TTC28: variants seen among roughly 807,000 people sequenced by gnomAD.
The protein encoded by TTC28 is tetratricopeptide repeat protein 28.
In TTC28, 61 loss-of-function variants were observed where a neutral mutation model predicts 198.0. That is an observed-to-expected ratio of 0.31 (90% CI 0.25 to 0.38). The LOEUF (loss-of-function observed/expected upper bound fraction) is 0.38, where lower values mean the gene tolerates loss of function less well. Ranked by LOEUF, TTC28 falls within the 10% of genes least tolerant of loss-of-function variation. TTC28 has a pLI of 1.00. For missense variants in TTC28, 2,678 were observed against 3,164.0 expected, an observed-to-expected ratio of 0.85 and a Z score of 3.69; for synonymous variants, 1,171 against 1,297.8, an observed-to-expected ratio of 0.90 and a Z score of 2.10.
At chr22:28,426,672 T>C (rs2047355341) in intron 2 of TTC28, among the ~76,000 whole-genome samples, 1 of 152,146 alleles carries the variant, frequency 6.6e-6, no homozygotes, top group Non-Finnish European at 1.5e-5. Flanking sequence ...CCCTCAGTAT[T>C]CCTCTTCTTA....
intron 2 of TTC28, among the ~76,000 whole-genome samples, chr22:28,624,767 C>T (rs1465032745): frequency 8.6e-5 from 13 of 151,720 alleles, no homozygotes; most frequent in Admixed American, 7.9e-4. Context: ...GATACCAAAA[C>T]GAAACAAATA....
chr22:28,529,249 A>T (rs990040266), intron 2 of TTC28, among the ~76,000 whole-genome samples: 4 of 874 alleles, frequency 4.6e-3, no homozygotes, highest in African/African-American at 0.011. Context: ...CAAATGGCAC[A>T]CCAGATTATA....
intron 2 of TTC28, among the ~76,000 whole-genome samples, chr22:28,569,391 G>C (rs1001194019): frequency 1.3e-5 from 2 of 151,978 alleles, no homozygotes; most frequent in South Asian, 2.1e-4. Context: ...AGAGAATCCA[G>C]AAATAAAGCC....
intron 2 of TTC28, among the ~76,000 whole-genome samples, chr22:28,467,240 G>A (rs1044041472): frequency 1.3e-5 from 2 of 152,140 alleles, no homozygotes; most frequent in Non-Finnish European, 2.9e-5. Context: ...GGGCAACATA[G>A]TGAGACCCTG....
chr22:28,087,191 G>A (rs933151116), intron 12 of TTC28, among the ~76,000 whole-genome samples: 3 of 151,900 alleles, frequency 2.0e-5, no homozygotes, highest in East Asian at 1.9e-4. Flanking sequence ...TACCAAAGCC[G>A]GGCAGAGACA....
At chr22:28,453,509 A>C (rs560573908) in intron 2 of TTC28, among the ~76,000 whole-genome samples, 4 of 152,312 alleles carry the variant, frequency 2.6e-5, no homozygotes, top group African/African-American at 4.8e-5. Context: ...TCAGACTTAC[A>C]CAGCCAACAA....
At position 27,982,946 on chromosome 22, in the gene TTC28, A is replaced by C. The variant is rs763865377; in HGVS notation, c.6721T>G (p.Ser2241Ala). The change falls in exon 23 of 23, where the codon TCC (serine) becomes GCC (alanine). Residue 2241 changes from serine to alanine, a missense_variant. Physicochemically the swap from Ser to Ala is moderately conservative, Grantham distance 99. This residue lies in a region of TTC28 where 622 missense variants were observed against 656.0 expected (regional missense o/e 0.95). Transcript: ENST00000397906. The surrounding 1 kb of genome is among the most constrained non-coding windows in gnomAD (Gnocchi z 5.2). ...VKPKPPARSS[S>A]LPKVSSGYSS... Reference sequence around the variant, plus strand: ...TATCCGGAACTCACCTTGGGCAGGGAGGAGCTCCTGGCTGGGGGCTTTGGT... The same window carrying C: ...TATCCGGAACTCACCTTGGGCAGGGCGGAGCTCCTGGCTGGGGGCTTTGGT... 6.4e-7 allele frequency: 1 copy of C among 1,551,544 alleles called. No individual in the cohort carries two copies. The highest frequency in any genetic ancestry group is 8.7e-7 in the Non-Finnish European group (1 of 1,146,962).
In TTC28 at chr22:28,414,433, G is replaced by A. The variant is rs570285891; in HGVS notation, c.382-107790C>T. The stretch of plus-strand genomic sequence containing the variant: ...CTAGGGAGACAGTTCTTGTCAGACC[G>A]AGATGTCTCAGGATTCTATCAACTG... On this transcript the variant is annotated intron_variant, in intron 2 of 22. Coordinates refer to ENST00000397906, the MANE Select transcript of TTC28 (RefSeq NM_001145418.2). Among the ~76,000 whole-genome samples, 13 of 152,288 alleles carry A rather than the reference G, an allele frequency of 8.5e-5. No individual in the cohort carries two copies. In the East Asian group the frequency reaches 2.3e-3, roughly 27 times the overall value.
intron 15 of TTC28, 66 bp from the exon 16 acceptor site, chr22:27,999,326 C>T (rs78439401): frequency 0.062 from 91,612 of 1,481,390 alleles, 3,700 homozygotes; most frequent in East Asian, 0.23. Flanking sequence ...CGGCAGTGGT[C>T]GGCCGAGCAC....
rs747169297 is a variant in TTC28 at position 27,983,108 on chromosome 22, C to A, written c.6559G>T (p.Val2187Leu). 6.4e-6 allele frequency: 10 copies of A among 1,551,768 alleles called. No homozygotes were observed. Among genetic ancestry groups the A allele is most frequent in the Admixed American group, 2.0e-5 (1 of 51,012 alleles). ...VERLQRSGGQVSKSNNPEDGV... is the reference protein window; with the variant it reads ...VERLQRSGGQLSKSNNPEDGV... Reference sequence around the variant, plus strand: ...TCTTCAGGGTTATTACTCTTGCTCACCTGGCCGCCGCTCCTCTGAAGACGC... The same window carrying A: ...TCTTCAGGGTTATTACTCTTGCTCAACTGGCCGCCGCTCCTCTGAAGACGC... The change falls in exon 23 of 23, where the codon GTG becomes TTG. Residue 2187 changes from valine (V) to leucine (L), a missense_variant. Transcript: ENST00000397906.
intron 17 of TTC28, 78 bp from the exon 18 acceptor site, chr22:27,993,596 G>T: frequency 7.1e-7 from 1 of 1,400,118 alleles, no homozygotes; most frequent in Non-Finnish European, 9.6e-7. Flanking sequence ...GGTACACAAA[G>T]CCCCAGGGTG....
At chr22:28,373,015 T>C (rs2046360630) in intron 2 of TTC28, among the ~76,000 whole-genome samples, 1 of 152,050 alleles carries the variant, frequency 6.6e-6, no homozygotes, top group African/African-American at 2.4e-5. Context: ...AAGAAGGCCA[T>C]AACAGCAGGT....
intron 5 of TTC28, among the ~76,000 whole-genome samples, chr22:28,256,133 T>C (rs74833027): frequency 6.8e-6 from 1 of 147,980 alleles, no homozygotes; most frequent in East Asian, 2.0e-4. Context: ...AAAAAAAAAA[T>C]AGTAGAGGAT....
At position 28,411,657 on chromosome 22, in the gene TTC28, T is replaced by C. The variant is rs554703493; in HGVS notation, c.382-105014A>G. Reference sequence around the variant, plus strand: ...AGCAACAGTTACAATGTCAGTTTAATAGCTTTTACTATTGATGATCTCTGT... The same window carrying C: ...AGCAACAGTTACAATGTCAGTTTAACAGCTTTTACTATTGATGATCTCTGT... On this transcript the variant is annotated intron_variant, in intron 2 of 22. Transcript: ENST00000397906. Among the ~76,000 whole-genome samples, 6 of 152,358 alleles carry C rather than the reference T, an allele frequency of 3.9e-5. No homozygotes were observed. The East Asian group carries it at 7.7e-4, about 20-fold the overall frequency.
intron 2 of TTC28, among the ~76,000 whole-genome samples, chr22:28,546,932 T>G (rs866303288): frequency 1.3e-5 from 2 of 152,082 alleles, no homozygotes; most frequent in African/African-American, 4.8e-5. Context: ...AAATATGATC[T>G]ATAGTGACAG....
intron 2 of TTC28, among the ~76,000 whole-genome samples, chr22:28,482,289 G>A (rs1021594776): frequency 2.3e-5 from 3 of 128,974 alleles, no homozygotes; most frequent in Admixed American, 1.0e-4. Context: ...TCGGCTCACT[G>A]CAAGCTCCGC....
At chr22:28,648,221 CAA>C (rs34510876) in intron 1 of TTC28, among the ~76,000 whole-genome samples, 5 of 62,464 alleles carry the variant, frequency 8.0e-5, no homozygotes, top group Non-Finnish European at 9.7e-5. Context: ...GAGACTCTGT[CAA>C]AAAAAAAAAA....
intron 3 of TTC28, among the ~76,000 whole-genome samples, chr22:28,302,751 T>C (rs776047280): frequency 6.6e-6 from 1 of 152,182 alleles, no homozygotes; most frequent in Non-Finnish European, 1.5e-5. Context: ...CTCAGCTCGC[T>C]GCAACCTCCG....
At chr22:28,411,003 G>GTTGTTT (rs2047072248) in intron 2 of TTC28, among the ~76,000 whole-genome samples, 1 of 42,390 alleles carries the variant, frequency 2.4e-5, no homozygotes, top group Non-Finnish European at 4.4e-5. Flanking sequence ...TTCTAAAATG[G>GTTGTTT]TAATTTGAAA....
Sources: gnomAD v4.1 joint callset for allele counts (sites outside exome capture counted in the v4.1 genomes callset) on GRCh38, gnomAD v4.1.1 for gene constraint, gnomAD v4.1.1 regional missense constraint, Gnocchi (gnomAD v3.1) non-coding constraint, MANE v1.5 for transcripts, NCBI Gene and HGNC (gene_info 2026-07-23, HGNC 2026-07-21) for gene names.